The following MYT1 variants were observed in gnomAD, a reference collection of about 807,000 sequenced individuals.
The protein encoded by MYT1 is myelin transcription factor I.
In MYT1, 23 loss-of-function variants were observed where a neutral mutation model predicts 123.0. That is an observed-to-expected ratio of 0.19 (90% CI 0.13 to 0.26). MYT1 has a LOEUF of 0.26. MYT1 is among the 10% of genes least tolerant of loss of function. MYT1 has a pLI of 1.00. For missense variants in MYT1, 1,125 were observed against 1,472.5 expected, an observed-to-expected ratio of 0.76 and a Z score of 3.86; for synonymous variants, 518 against 575.3, an observed-to-expected ratio of 0.90 and a Z score of 1.43.
chr20:64,232,284 G>A lies in MYT1; in HGVS notation c.2796G>A (p.Ser932=), dbSNP rs138396756. 1,209 of 1,613,002 alleles carry A rather than the reference G, an allele frequency of 7.5e-4. 10 individuals are homozygous for A. The highest frequency in any genetic ancestry group is 5.8e-3 in the South Asian group (527 of 91,084). ...AGAAGGAAGGGTCCCTCAATGGCTC[G>A]TCATTCTCCTGGAAGTCCCTGAAGA... is the stretch of plus-strand genomic sequence containing the variant. ...RRQKEGSLNG[S]SFSWKSLKNE... is the part of the protein sequence containing the mutation. The change falls in exon 19 of 23, where the codon TCG becomes TCA. Residue 932 remains serine, a synonymous_variant. Transcript: ENST00000328439. This position sits in a 1 kb window ranked among gnomAD's most constrained non-coding sequence, Gnocchi z 6.9.
chr20:64,165,840 TC>T (rs1458313720), intron 1 of MYT1, among the ~76,000 whole-genome samples: 1 of 152,058 alleles, frequency 6.6e-6, no homozygotes, highest in Non-Finnish European at 1.5e-5. Flanking sequence ...TTTTTTTTTT[TC>T]TTTTAAATCA....
At chr20:64,195,877 T>C (rs1983103848) in intron 2 of MYT1, among the ~76,000 whole-genome samples, 1 of 152,198 alleles carries the variant, frequency 6.6e-6, no homozygotes. Flanking sequence ...CAATATACAA[T>C]GTATTTGCAT....
chr20:64,238,328 C>G (rs1479369459), intron 21 of MYT1, among the ~76,000 whole-genome samples: 3 of 152,094 alleles, frequency 2.0e-5, no homozygotes, highest in Admixed American at 6.5e-5. Context: ...ACCAAGGCAG[C>G]AAAAAATGAG....
At position 64,240,691 on chromosome 20, in the gene MYT1, T is replaced by A. The variant is rs1472346845; in HGVS notation, c.*243T>A. On this transcript the variant is annotated 3_prime_UTR_variant, in exon 23 of 23. Transcript: ENST00000328439. Reference sequence around the variant, plus strand: ...CTGAAGAATTACAAAGTGATTTATTTTTGTTTTCTGAAAGAAATCTGAAGA... The same window carrying A: ...CTGAAGAATTACAAAGTGATTTATTATTGTTTTCTGAAAGAAATCTGAAGA... 6.7e-6 allele frequency: 3 copies of A among 446,424 alleles called. No individual in the cohort carries two copies. The highest frequency in any genetic ancestry group is 1.2e-5 in the Non-Finnish European group (3 of 256,826). 27.7% of individuals were successfully genotyped at this position (446,424 alleles called of 1,614,324 possible).
intron 1 of MYT1, among the ~76,000 whole-genome samples, chr20:64,176,221 GCGT>G (rs374893048): frequency 1.8e-3 from 3 of 1,650 alleles, no homozygotes; most frequent in Non-Finnish European, 2.7e-3. Context: ...CCCCTCCCTG[GCGT>G]CTCCTCCTGC....
In MYT1 at chr20:64,213,029, G is replaced by A. The variant is rs1261105165; in HGVS notation, c.1518-505G>A. Among the ~76,000 whole-genome samples the A allele has an allele frequency of 3.9e-5, 6 of 152,288 alleles. No individual in the cohort carries two copies. Among genetic ancestry groups the A allele is most frequent in the Admixed American group, 6.5e-5 (1 of 15,292 alleles). On this transcript the variant is annotated intron_variant, in intron 9 of 22. Coordinates refer to ENST00000328439, the MANE Select transcript of MYT1 (RefSeq NM_004535.3). This position sits in a 1 kb window ranked among gnomAD's most constrained non-coding sequence, Gnocchi z 5.6. ...TCTGACAGATGAAGCTGCTGCCTCC[G>A]TGTCTTAGACTGAGTACTTTCCTGG...
intron 8 of MYT1, among the ~76,000 whole-genome samples, chr20:64,211,700 T>C (rs1366207165): frequency 6.6e-6 from 1 of 152,218 alleles, no homozygotes. Context: ...AAGCAAATAC[T>C]TGTTCTTATG....
chr20:64,192,789 C>G lies in MYT1; in HGVS notation c.-1+2629C>G, dbSNP rs1000729993. Among the ~76,000 whole-genome samples, 2 of 152,240 alleles carry G rather than the reference C, an allele frequency of 1.3e-5. No homozygotes were observed. Among genetic ancestry groups the G allele is most frequent in the Non-Finnish European group, 2.9e-5 (2 of 68,044 alleles). ...GGGCAGGAGGTGCCTCTGGCAAGGA[C>G]TACTGGACAGAGGCTCCTGCAAGGG... On this transcript the variant is annotated intron_variant, in intron 2 of 22. Transcript: ENST00000328439. The surrounding 1 kb of genome is among the most constrained non-coding windows in gnomAD (Gnocchi z 5.3).
chr20:64,199,027 C>A, intron 3 of MYT1, 111 bp downstream of exon 3: 1 of 1,102,784 alleles, frequency 9.1e-7, no homozygotes. Flanking sequence ...CTGGGGACCT[C>A]AGGCCTCTTC....
intron 1 of MYT1, among the ~76,000 whole-genome samples, chr20:64,180,176 C>T (rs1237658877): frequency 6.6e-6 from 1 of 151,954 alleles, no homozygotes; most frequent in Non-Finnish European, 1.5e-5. Flanking sequence ...CAGTTACATG[C>T]ATGCTCTATA....
rs1396273082 is a variant in MYT1 at position 64,208,125 on chromosome 20, A to G, written c.929A>G (p.Asp310Gly). The change falls in exon 7 of 23, where the codon GAT becomes GGT. Residue 310 changes from aspartate to glycine, a missense_variant. Transcript: ENST00000328439. The surrounding 1 kb of genome is among the most constrained non-coding windows in gnomAD (Gnocchi z 5.4). ...GAGGAGGAGGAGGAGGCAGCTCCTG[A>G]TGTGATCTTTCAGGAAGACACCTCT... ...EEEEEEEAAP[D>G]VIFQEDTSHT... is the part of the protein sequence containing the mutation. The G allele has an allele frequency of 1.9e-6, 3 of 1,612,526 alleles. No homozygotes were observed. The Admixed American group carries it at 5.0e-5, about 27-fold the overall frequency.
intron 1 of MYT1, among the ~76,000 whole-genome samples, chr20:64,180,790 C>T (rs1982632013): frequency 2.6e-5 from 4 of 152,344 alleles, no homozygotes; most frequent in Middle Eastern, 3.4e-3. Flanking sequence ...TTCAGTGTTT[C>T]GCTGGTGGAC....
chr20:64,230,538 A>G (rs7271979), intron 18 of MYT1, among the ~76,000 whole-genome samples: 3,749 of 152,270 alleles, frequency 0.025, 162 homozygotes, highest in African/African-American at 0.085. Context: ...TACTACTAAT[A>G]ATAATTCAGA....
chr20:64,222,154 C>T lies in MYT1; in HGVS notation c.2396+107C>T, dbSNP rs752520505. ...CGACCGGGTCTGCTCAGGCTTTCCC[C>T]GACCTGTCCTGACCACCTCGAGCCA... On this transcript the variant is annotated intron_variant, in intron 14 of 22. Coordinates refer to ENST00000328439, the MANE Select transcript of MYT1 (RefSeq NM_004535.3). 3.3e-5 allele frequency: 44 copies of T among 1,319,748 alleles called. No homozygotes were observed. In the East Asian group the frequency reaches 5.0e-4, roughly 15 times the overall value. The allele number at this position is 1,319,748 out of a possible 1,614,324, so 81.8% of individuals were successfully genotyped here.
chr20:64,227,395 A>T lies in MYT1; in HGVS notation c.2529-20A>T. 1 of 1,611,832 alleles carries T rather than the reference A, an allele frequency of 6.2e-7. No individual in the cohort carries two copies. Among genetic ancestry groups the T allele is most frequent in the Non-Finnish European group, 8.5e-7 (1 of 1,179,172 alleles). On this transcript the variant is annotated intron_variant, in intron 16 of 22. Coordinates refer to ENST00000328439, the MANE Select transcript of MYT1 (RefSeq NM_004535.3). The stretch of plus-strand genomic sequence containing the variant: ...AAACGCCTTCACGGGCTCCCGTTCC[A>T]GTTCTGCTTCCCTCTGCAGGTGCCC...
intron 8 of MYT1, 129 bp from the exon 9 acceptor site, chr20:64,211,919 C>A (rs375882017): frequency 2.7e-6 from 2 of 747,218 alleles, no homozygotes; most frequent in Non-Finnish European, 4.7e-6. Context: ...CTGTGTCCCC[C>A]ACCTGCCTAC....
Position 64,196,503 on chromosome 20 carries a change from A to C in MYT1, c.1-2359A>C, listed in dbSNP as rs984041424. Among the ~76,000 whole-genome samples the C allele has an allele frequency of 6.6e-6, 1 of 152,256 alleles. No homozygotes were observed. Among genetic ancestry groups the C allele is most frequent in the African/African-American group, 2.4e-5 (1 of 41,464 alleles). On this transcript the variant is annotated intron_variant, in intron 2 of 22. Coordinates refer to ENST00000328439, the MANE Select transcript of MYT1 (RefSeq NM_004535.3). The surrounding 1 kb of genome is among the most constrained non-coding windows in gnomAD (Gnocchi z 4.3). The stretch of plus-strand genomic sequence containing the variant: ...CGCGTCAGCCGGCACTGCTGATTTC[A>C]AATAGCTCAGAAACCAGTGTCCCAA...
intron 16 of MYT1, among the ~76,000 whole-genome samples, chr20:64,224,801 C>T (rs141475562): frequency 1.3e-3 from 194 of 152,230 alleles, no homozygotes; most frequent in African/African-American, 4.5e-3. Context: ...CCCATTTGGG[C>T]CTGAATAATT....
rs1982962571 is a variant in MYT1, at chr20:64,191,306, C to CTTG, written c.-1+1146_-1+1147insTTG. The stretch of plus-strand genomic sequence containing the variant: ...ACTGTGACATCACATGTGCTTACAG[C>CTTG]CACTGTTCTCCACCACCAACCCTCT... On this transcript the variant is annotated intron_variant, in intron 2 of 22. Transcript: ENST00000328439. The surrounding 1 kb of genome is among the most constrained non-coding windows in gnomAD (Gnocchi z 4.1). Among the ~76,000 whole-genome samples the CTTG allele has an allele frequency of 6.6e-6, 1 of 152,216 alleles. No individual in the cohort carries two copies. Among genetic ancestry groups the CTTG allele is most frequent in the African/African-American group, 2.4e-5 (1 of 41,452 alleles).
Sources: gnomAD v4.1 joint callset for allele counts (sites outside exome capture counted in the v4.1 genomes callset) on GRCh38, gnomAD v4.1.1 for gene constraint, Gnocchi (gnomAD v3.1) non-coding constraint, MANE v1.5 for transcripts, NCBI Gene and HGNC (gene_info 2026-07-23, HGNC 2026-07-21) for gene names.